Variants in TMEM132D observed in about 807,000 individuals in gnomAD.
TMEM132D encodes the protein transmembrane protein 132D.
Under a neutral mutation model 62.3 loss-of-function variants are expected in TMEM132D, and 21 were observed. The ratio of observed to expected loss-of-function variants is 0.34; its 90% CI spans 0.24 to 0.49. TMEM132D has a LOEUF of 0.49. Ranked by LOEUF, TMEM132D falls within the 20% of genes least tolerant of loss-of-function variation. The pLI, the probability that TMEM132D is intolerant of heterozygous loss-of-function variation, is 0.99. For synonymous variants in TMEM132D, 621 were observed against 575.6 expected (o/e 1.08, Z -1.13); for missense variants, 1,346 against 1,402.8 (o/e 0.96, Z 0.65).
At chr12:129,395,248 T>A (rs568912025) in intron 3 of TMEM132D, among the ~76,000 whole-genome samples, 1 of 152,180 alleles carries the variant, frequency 6.6e-6, no homozygotes, top group African/African-American at 2.4e-5. Context: ...TGGTGCTTGA[T>A]ATGAGGCTGA....
Position 129,146,379 on chromosome 12 carries a change from A to G in TMEM132D, c.1444-61677T>C, listed in dbSNP as rs140295450. On this transcript the variant is annotated intron_variant, in intron 5 of 8. Coordinates refer to ENST00000422113, the MANE Select transcript of TMEM132D (RefSeq NM_133448.3). ...TGTAATTCTCTCATCTCTTTCCCAA[A>G]TTGTCACTAGAGCTTCCCTACTGGT... 9.1e-3 allele frequency among the ~76,000 whole-genome samples: 1,392 copies of G among 152,202 alleles called. 10 individuals carry two copies. The highest frequency in any genetic ancestry group is 0.014 in the Admixed American group (215 of 15,290).
intron 3 of TMEM132D, among the ~76,000 whole-genome samples, chr12:129,497,398 C>T (rs1874992071): frequency 2.0e-5 from 3 of 152,186 alleles, no homozygotes; most frequent in South Asian, 2.1e-4. Flanking sequence ...TAAGTGGCCC[C>T]TGCTCCACGA....
chr12:129,285,544 A>ATT (rs1881272003), intron 4 of TMEM132D, among the ~76,000 whole-genome samples: 1 of 148,000 alleles, frequency 6.8e-6, no homozygotes, highest in South Asian at 2.2e-4. Context: ...AAAAAAAGAG[A>ATT]GAGAGAGAGA....
chr12:129,097,208 C>T (rs1424846499), intron 5 of TMEM132D, among the ~76,000 whole-genome samples: 1 of 152,254 alleles, frequency 6.6e-6, no homozygotes. Context: ...ATGCCAGTAG[C>T]ATCCCTCTCT....
intron 1 of TMEM132D, among the ~76,000 whole-genome samples, chr12:129,891,912 A>T (rs1874935704): frequency 6.6e-6 from 1 of 152,232 alleles, no homozygotes; most frequent in African/African-American, 2.4e-5. Context: ...AGAAAGAAAT[A>T]TATCAAAAAT....
intron 2 of TMEM132D, among the ~76,000 whole-genome samples, chr12:129,576,927 T>A (rs1877679359): frequency 6.6e-6 from 1 of 151,930 alleles, no homozygotes; most frequent in Non-Finnish European, 1.5e-5. Context: ...TTGTGTCGTT[T>A]GTTTACAAGA....
At chr12:129,489,481 C>T (rs1323936956) in intron 3 of TMEM132D, among the ~76,000 whole-genome samples, 1 of 152,182 alleles carries the variant, frequency 6.6e-6, no homozygotes, top group Non-Finnish European at 1.5e-5. Flanking sequence ...CTGTTATATG[C>T]CTACAATAAA....
chr12:129,803,282 C>G lies in TMEM132D; in HGVS notation c.79+99979G>C, dbSNP rs1467652575. 5.0e-4 allele frequency among the ~76,000 whole-genome samples: 74 copies of G among 146,812 alleles called. 1 individual carries two copies. The East Asian group carries it at 9.4e-3, about 19-fold the overall frequency. Reference sequence around the variant, plus strand: ...CACCTATTCCGAAATTGACCACATACTTGGAAGTAAAGCTCTCCTCAGCAA... The same window carrying G: ...CACCTATTCCGAAATTGACCACATAGTTGGAAGTAAAGCTCTCCTCAGCAA... On this transcript the variant is annotated intron_variant, in intron 1 of 8. Coordinates refer to ENST00000422113, the MANE Select transcript of TMEM132D (RefSeq NM_133448.3).
intron 5 of TMEM132D, among the ~76,000 whole-genome samples, chr12:129,152,990 C>A (rs548718414): frequency 4.6e-5 from 7 of 152,298 alleles, no homozygotes; most frequent in Non-Finnish European, 1.0e-4. Context: ...TTCCTGCCAA[C>A]TCTTCCGAGC....
At chr12:129,617,462 A>G (rs944292266) in intron 2 of TMEM132D, among the ~76,000 whole-genome samples, 3 of 152,172 alleles carry the variant, frequency 2.0e-5, no homozygotes, top group Admixed American at 2.0e-4. Flanking sequence ...AGAATGCCAC[A>G]GACTTGGTAG....
intron 5 of TMEM132D, among the ~76,000 whole-genome samples, chr12:129,155,875 C>CAT (rs1565980857): frequency 6.6e-6 from 1 of 151,910 alleles, no homozygotes; most frequent in Non-Finnish European, 1.5e-5. Flanking sequence ...ATAATGAATC[C>CAT]ACTCCCCCAG....
Position 129,889,312 on chromosome 12 carries a change from C to T in TMEM132D, c.79+13949G>A, listed in dbSNP as rs76548714. Reference sequence around the variant, plus strand: ...CCTCTCTGCAGTTGGATGGCAGTCACGTTTCCAAATGCCAGCCAATGAGAT... The same window carrying T: ...CCTCTCTGCAGTTGGATGGCAGTCATGTTTCCAAATGCCAGCCAATGAGAT... On this transcript the variant is annotated intron_variant, in intron 1 of 8. Coordinates refer to ENST00000422113, the MANE Select transcript of TMEM132D (RefSeq NM_133448.3). Among the ~76,000 whole-genome samples, 646 of 152,290 alleles carry T rather than the reference C, an allele frequency of 4.2e-3. 4 individuals carry two copies. Among genetic ancestry groups the T allele is most frequent in the African/African-American group, 0.015 (613 of 41,550 alleles).
At chr12:129,679,490 C>T (rs1248392307) in intron 2 of TMEM132D, among the ~76,000 whole-genome samples, 1 of 152,072 alleles carries the variant, frequency 6.6e-6, no homozygotes, top group African/African-American at 2.4e-5. Context: ...GGATTCTCAG[C>T]TCCAAGGTCA....
intron 4 of TMEM132D, among the ~76,000 whole-genome samples, chr12:129,325,381 TG>T (rs1180269816): frequency 6.6e-6 from 1 of 152,204 alleles, no homozygotes; most frequent in Non-Finnish European, 1.5e-5. Context: ...CTGTTGAGGC[TG>T]GATTTTGTGC....
At chr12:129,839,324 C>T (rs910681386) in intron 1 of TMEM132D, among the ~76,000 whole-genome samples, 2 of 151,374 alleles carry the variant, frequency 1.3e-5, no homozygotes, top group Admixed American at 6.6e-5. Flanking sequence ...AACGGGGTTT[C>T]ACTATGTTGG....
At chr12:129,130,382 T>C (rs1353313153) in intron 5 of TMEM132D, among the ~76,000 whole-genome samples, 1 of 152,052 alleles carries the variant, frequency 6.6e-6, no homozygotes, top group Admixed American at 6.6e-5. Context: ...TCCTGGTGAC[T>C]GCATGGCCTC....
chr12:129,579,859 T>C (rs1490377884), intron 2 of TMEM132D, among the ~76,000 whole-genome samples: 1 of 152,022 alleles, frequency 6.6e-6, no homozygotes, highest in Non-Finnish European at 1.5e-5. Flanking sequence ...ATATTAACCA[T>C]CACAATGAGA....
At chr12:129,828,295 C>T (rs1374403197) in intron 1 of TMEM132D, among the ~76,000 whole-genome samples, 2 of 152,096 alleles carry the variant, frequency 1.3e-5, no homozygotes, top group African/African-American at 2.4e-5. Context: ...TTAGTCTTTG[C>T]TTCTCCATTA....
chr12:129,087,889 CG>C (rs761520862), intron 5 of TMEM132D, among the ~76,000 whole-genome samples: 5,772 of 68,858 alleles, frequency 0.084, 458 homozygotes, highest in South Asian at 0.11. Flanking sequence ...CCTCCCTGAC[CG>C]GGGTGTCCTC....
Sources: gnomAD v4.1 joint callset for allele counts (sites outside exome capture counted in the v4.1 genomes callset) on GRCh38, gnomAD v4.1.1 for gene constraint, MANE v1.5 for transcripts, NCBI Gene and HGNC (gene_info 2026-07-23, HGNC 2026-07-21) for gene names.